Variants in CADPS observed in about 807,000 individuals in gnomAD.
CADPS encodes calcium dependent secretion activator.
A neutral mutation model predicts 167.3 loss-of-function variants in CADPS; 57 were observed. The observed-to-expected ratio is 0.34, with a 90% CI of 0.28 to 0.42. The LOEUF is 0.42. Ranked by LOEUF, CADPS falls within the 20% of genes least tolerant of loss-of-function variation. The pLI, the probability that CADPS is intolerant of heterozygous loss-of-function variation, is 1.00. For synonymous variants in CADPS, 676 were observed against 635.3 expected (o/e 1.06, Z -0.96); for missense variants, 1,414 against 1,738.1 (o/e 0.81, Z 3.32).
chr3:62,482,688 G>A (rs2062183129), intron 21 of CADPS, among the ~76,000 whole-genome samples: 1 of 152,160 alleles, frequency 6.6e-6, no homozygotes, highest in Admixed American at 6.5e-5. Flanking sequence ...TATCATAATA[G>A]TTACCCTTGG....
chr3:62,530,527 A>C (rs2073405058), intron 13 of CADPS: 1 of 535,954 alleles, frequency 1.9e-6, no homozygotes, highest in Non-Finnish European at 2.5e-6. Context: ...TGCACCTTTG[A>C]AAATGCTTAA....
At chr3:62,499,111 G>GC in intron 18 of CADPS, 51 bp downstream of exon 18, 1 of 1,158,970 alleles carries the variant, frequency 8.6e-7, no homozygotes, top group Non-Finnish European at 1.3e-6. Flanking sequence ...AATCAGCTCT[G>GC]CAAGCTCAGC....
rs116602834 is a variant in CADPS, at chr3:62,478,135, G to C, written c.3329+126C>G. On this transcript the variant is annotated intron_variant, in intron 23 of 29. Transcript: ENST00000383710. This position sits in a 1 kb window ranked among gnomAD's most constrained non-coding sequence, Gnocchi z 5.7. Reference sequence around the variant, plus strand: ...GACAGCCACTACTCCAGCTGACTTTGACAAGCAATCCCCTTCTCCAATTAG... The same window carrying C: ...GACAGCCACTACTCCAGCTGACTTTCACAAGCAATCCCCTTCTCCAATTAG... 2.7e-3 allele frequency: 2,842 copies of C among 1,072,372 alleles called. 51 individuals carry two copies. In the African/African-American group the frequency reaches 0.037, roughly 14 times the overall value. The allele number at this position is 1,072,372 out of a possible 1,614,324, so 66.4% of individuals were successfully genotyped here. A position where few individuals can be genotyped will look rare whatever the true frequency, so the allele number is the denominator to read the frequency against.
intron 4 of CADPS, among the ~76,000 whole-genome samples, chr3:62,651,986 G>T (rs1001618416): frequency 6.6e-6 from 1 of 152,026 alleles, no homozygotes; most frequent in Non-Finnish European, 1.5e-5. Flanking sequence ...CCCAGCTTCA[G>T]GAAAGGCTGG....
At chr3:62,850,532 C>A (rs1433273886) in intron 1 of CADPS, among the ~76,000 whole-genome samples, 1 of 127,060 alleles carries the variant, frequency 7.9e-6, no homozygotes, top group Non-Finnish European at 1.7e-5. Flanking sequence ...TCGTTATGTA[C>A]CCAGTAGTCA....
At position 62,557,227 on chromosome 3, in the gene CADPS, C is replaced by CCAAAGCA. The variant is rs2078318822; in HGVS notation, c.1753+177_1753+178insTGCTTTG. 2.0e-5 allele frequency among the ~76,000 whole-genome samples: 3 copies of CCAAAGCA among 152,040 alleles called. No homozygotes were observed. In the South Asian group the frequency reaches 6.2e-4, roughly 31 times the overall value. The stretch of plus-strand genomic sequence containing the variant: ...AGCACTAGGTTAGGATGGCATTTAA[C>CCAAAGCA]CAACCGGGATGGAAACGGCATAATA... On this transcript the variant is annotated intron_variant, in intron 10 of 29. Coordinates refer to ENST00000383710, the MANE Select transcript of CADPS (RefSeq NM_003716.4).
At chr3:62,414,224 C>G (rs1439074456) in intron 28 of CADPS, among the ~76,000 whole-genome samples, 2 of 152,158 alleles carry the variant, frequency 1.3e-5, no homozygotes, top group African/African-American at 2.4e-5. Context: ...ACTCCCCTGT[C>G]CCTTATCCAC....
chr3:62,841,660 C>A (rs1300840888), intron 1 of CADPS, among the ~76,000 whole-genome samples: 1 of 152,154 alleles, frequency 6.6e-6, no homozygotes, highest in Non-Finnish European at 1.5e-5. Context: ...CTGATGGCAC[C>A]ACTGCACTTC....
intron 10 of CADPS, among the ~76,000 whole-genome samples, chr3:62,550,500 C>T (rs148651479): frequency 3.9e-5 from 6 of 152,234 alleles, no homozygotes; most frequent in East Asian, 3.9e-4. Flanking sequence ...CTCTTTACAA[C>T]GAAAGGGAAA....
intron 1 of CADPS, among the ~76,000 whole-genome samples, chr3:62,831,406 A>T (rs910061824): frequency 1.3e-5 from 2 of 152,126 alleles, no homozygotes; most frequent in African/African-American, 4.8e-5. Context: ...TGCTTCTGTA[A>T]CAACAGTTCC....
At chr3:62,771,188 G>A (rs1221724967) in intron 1 of CADPS, among the ~76,000 whole-genome samples, 1 of 152,070 alleles carries the variant, frequency 6.6e-6, no homozygotes, top group Non-Finnish European at 1.5e-5. Context: ...TTGCTGCTGT[G>A]CACACAGTGA....
intron 24 of CADPS, among the ~76,000 whole-genome samples, chr3:62,468,676 C>A (rs897395815): frequency 6.6e-6 from 1 of 152,184 alleles, no homozygotes; most frequent in Non-Finnish European, 1.5e-5. Context: ...TGCCAAACTT[C>A]GCCTTAATTT....
At chr3:62,511,582 C>T (rs2067836201) in intron 17 of CADPS, among the ~76,000 whole-genome samples, 1 of 152,128 alleles carries the variant, frequency 6.6e-6, no homozygotes, top group African/African-American at 2.4e-5. Flanking sequence ...CATATTTGCA[C>T]ATATTATTCT....
At chr3:62,635,819 A>G (rs1053583784) in intron 6 of CADPS, among the ~76,000 whole-genome samples, 5 of 152,006 alleles carry the variant, frequency 3.3e-5, no homozygotes, top group African/African-American at 9.7e-5. Flanking sequence ...CTTTTCCATA[A>G]CCCTTTACCA....
intron 1 of CADPS, among the ~76,000 whole-genome samples, chr3:62,789,881 A>G (rs2152726022): frequency 1.3e-5 from 2 of 151,978 alleles, no homozygotes; most frequent in Middle Eastern, 3.4e-3. Context: ...TCCTGCTCTC[A>G]CTCCCTTCAA....
At chr3:62,725,206 C>T (rs2076520800) in intron 3 of CADPS, among the ~76,000 whole-genome samples, 1 of 152,152 alleles carries the variant, frequency 6.6e-6, no homozygotes, top group African/African-American at 2.4e-5. Flanking sequence ...GGGAATAGTC[C>T]ACACCTGCAC....
In CADPS at chr3:62,433,326, G is replaced by C. The variant is rs995282743; in HGVS notation, c.3777+4778C>G. On this transcript the variant is annotated intron_variant, in intron 28 of 29. Transcript: ENST00000383710. This position sits in a 1 kb window ranked among gnomAD's most constrained non-coding sequence, Gnocchi z 4.7. ...TGGACAAATACACGATTTGAAAATG[G>C]AACAGCAAATTAAAATCCGTGCGAG... Among the ~76,000 whole-genome samples the C allele has an allele frequency of 6.6e-6, 1 of 152,024 alleles. No homozygotes were observed. The highest frequency in any genetic ancestry group is 1.5e-5 in the Non-Finnish European group (1 of 68,006).
chr3:62,638,107 A>ATATATATATATATATATATATG (rs1579348080), intron 6 of CADPS, among the ~76,000 whole-genome samples: 2 of 150,334 alleles, frequency 1.3e-5, no homozygotes, highest in African/African-American at 4.9e-5. Flanking sequence ...ATATATATAT[A>ATATATATATATATATATATATG]GCAATTAATT....
intron 28 of CADPS, among the ~76,000 whole-genome samples, chr3:62,414,912 C>T (rs1168722603): frequency 6.6e-6 from 1 of 152,072 alleles, no homozygotes. Flanking sequence ...CTCAAAGTAG[C>T]CATTCATGGG....
Sources: allele counts gnomAD v4.1 joint callset (sites outside exome capture counted in the v4.1 genomes callset), GRCh38; gene constraint gnomAD v4.1.1; non-coding constraint Gnocchi (gnomAD v3.1); transcripts MANE v1.5; gene names NCBI Gene and HGNC (gene_info 2026-07-23, HGNC 2026-07-21).